Variants in KCNIP1 observed in about 807,000 individuals in gnomAD.
The protein encoded by KCNIP1 is potassium voltage-gated channel interacting protein 1.
In KCNIP1, 18 loss-of-function variants were observed where a neutral mutation model predicts 33.0. The ratio of observed to expected loss-of-function variants is 0.55; its 90% CI spans 0.38 to 0.81. The LOEUF (loss-of-function observed/expected upper bound fraction) is 0.81, where lower values mean the gene tolerates loss of function less well. KCNIP1 is among the 30% of genes least tolerant of loss of function. The pLI is 0.00. For missense variants in KCNIP1, 238 were observed against 271.6 expected, an observed-to-expected ratio of 0.88 and a Z score of 0.87; for synonymous variants, 93 against 98.3, an observed-to-expected ratio of 0.95 and a Z score of 0.32.
chr5:170,527,543 G>A (rs1306056764), intron 1 of KCNIP1, among the ~76,000 whole-genome samples: 3 of 151,862 alleles, frequency 2.0e-5, no homozygotes, highest in African/African-American at 7.3e-5. Context: ...TGTGAGCCAA[G>A]TGCACCCATC....
At chr5:170,512,414 T>C (rs1247059411) in intron 1 of KCNIP1, among the ~76,000 whole-genome samples, 1 of 152,232 alleles carries the variant, frequency 6.6e-6, no homozygotes, top group Admixed American at 6.5e-5. Context: ...AGCCACATGT[T>C]GGCCCAAATC....
chr5:170,620,628 A>C (rs192961338), intron 1 of KCNIP1, among the ~76,000 whole-genome samples: 2 of 152,196 alleles, frequency 1.3e-5, no homozygotes, highest in East Asian at 3.9e-4. Flanking sequence ...CATGTAATGG[A>C]TTCTCTCTAT....
Position 170,504,317 on chromosome 5 carries a change from G to T in KCNIP1, c.-256G>T. ...CCCTGGGCGAGGGAACCGCCGGGCC[G>T]GGTCCTCGCGCGGGGAAGCGGTTCC... On this transcript the variant is annotated 5_prime_UTR_variant, in exon 1 of 8. Coordinates refer to ENST00000328939, the MANE Select transcript of KCNIP1 (RefSeq NM_014592.4). This position sits in a 1 kb window ranked among gnomAD's most constrained non-coding sequence, Gnocchi z 6.0. 7.4e-7 allele frequency: 1 copy of T among 1,360,028 alleles called. No homozygotes were observed. 84.2% of individuals were successfully genotyped at this position (1,360,028 alleles called of 1,614,324 possible). A position where few individuals can be genotyped will look rare whatever the true frequency, so the allele number is the denominator to read the frequency against.
At chr5:170,498,796 A>G (rs888603896) in intron 1 of KCNIP1, among the ~76,000 whole-genome samples, 8 of 152,202 alleles carry the variant, frequency 5.3e-5, no homozygotes, top group Admixed American at 4.6e-4. Flanking sequence ...CCTTTACTTT[A>G]TCTTACCCCA....
At chr5:170,389,920 C>G (rs947765850) in intron 1 of KCNIP1, among the ~76,000 whole-genome samples, 1 of 152,154 alleles carries the variant, frequency 6.6e-6, no homozygotes, top group Non-Finnish European at 1.5e-5. Flanking sequence ...ATTTTTAAAA[C>G]CTACTTTGCT....
At chr5:170,463,991 C>A (rs948664585) in intron 1 of KCNIP1, among the ~76,000 whole-genome samples, 1 of 152,020 alleles carries the variant, frequency 6.6e-6, no homozygotes, top group African/African-American at 2.4e-5. Context: ...ATTAAAATTC[C>A]TATACACTAG....
At position 170,673,609 on chromosome 5, in the gene KCNIP1, T is replaced by G. The variant is rs189593249; in HGVS notation, c.62-45149T>G. 2.2e-3 allele frequency among the ~76,000 whole-genome samples: 333 copies of G among 152,320 alleles called. 1 individual carries two copies. The highest frequency in any genetic ancestry group is 7.8e-3 in the African/African-American group (326 of 41,568). On this transcript the variant is annotated intron_variant, in intron 1 of 7. Coordinates refer to ENST00000328939, the MANE Select transcript of KCNIP1 (RefSeq NM_014592.4). ...TGTTAAGTGGGCTCTGATACTATCT[T>G]GTACAGTTGGGGGAAGATTTGAGAA...
intron 1 of KCNIP1, among the ~76,000 whole-genome samples, chr5:170,587,048 C>T (rs1331487720): frequency 6.6e-6 from 1 of 152,188 alleles, no homozygotes; most frequent in Non-Finnish European, 1.5e-5. Flanking sequence ...GGATACAGAA[C>T]AATGTGGGAT....
At chr5:170,439,574 C>T (rs752113343) in intron 1 of KCNIP1, among the ~76,000 whole-genome samples, 8 of 152,182 alleles carry the variant, frequency 5.3e-5, no homozygotes, top group Non-Finnish European at 1.2e-4. Flanking sequence ...GGGCAGAAGG[C>T]GGAATCCAGC....
At chr5:170,678,773 A>C (rs1049012006) in intron 1 of KCNIP1, among the ~76,000 whole-genome samples, 1 of 152,182 alleles carries the variant, frequency 6.6e-6, no homozygotes, top group Non-Finnish European at 1.5e-5. Context: ...AGCTTGCAAA[A>C]AGGGAGAATA....
At chr5:170,440,962 C>T (rs191823337) in intron 1 of KCNIP1, among the ~76,000 whole-genome samples, 3 of 152,242 alleles carry the variant, frequency 2.0e-5, no homozygotes, top group South Asian at 2.1e-4. Flanking sequence ...TTCCCATTGC[C>T]GTCTGAGCTC....
chr5:170,419,720 G>C (rs1755429687), intron 1 of KCNIP1, among the ~76,000 whole-genome samples: 1 of 152,242 alleles, frequency 6.6e-6, no homozygotes, highest in Non-Finnish European at 1.5e-5. Context: ...TTCTGCAACT[G>C]AAGAAGGTGC....
At chr5:170,365,160 T>C (rs768225396) in intron 1 of KCNIP1, among the ~76,000 whole-genome samples, 27 of 152,224 alleles carry the variant, frequency 1.8e-4, no homozygotes, top group African/African-American at 2.6e-4. Flanking sequence ...TAGGCCCTCA[T>C]TGGGAGTTGA....
chr5:170,580,991 G>A (rs1222070540), intron 1 of KCNIP1, among the ~76,000 whole-genome samples: 1 of 152,138 alleles, frequency 6.6e-6, no homozygotes, highest in African/African-American at 2.4e-5. Context: ...AATAACCACT[G>A]AGGCACTTCT....
upstream of KCNIP1, among the ~76,000 whole-genome samples, chr5:170,500,573 G>A (rs1025660796): frequency 1.3e-5 from 2 of 152,172 alleles, no homozygotes; most frequent in African/African-American, 4.8e-5. Context: ...CTCTCCCCAT[G>A]CAGTTCTTTG....
intron 1 of KCNIP1, among the ~76,000 whole-genome samples, chr5:170,512,645 C>A (rs988586559): frequency 3.9e-5 from 6 of 152,224 alleles, no homozygotes; most frequent in African/African-American, 1.4e-4. Flanking sequence ...TAAGATGCAG[C>A]GGTCAGCACT....
intron 1 of KCNIP1, among the ~76,000 whole-genome samples, chr5:170,464,495 T>C (rs1756568140): frequency 1.3e-5 from 2 of 152,334 alleles, no homozygotes; most frequent in South Asian, 4.1e-4. Context: ...CGAATCTTAC[T>C]TCAAAGCTAT....
chr5:170,380,997 A>T (rs187028592), intron 1 of KCNIP1, among the ~76,000 whole-genome samples: 1 of 152,326 alleles, frequency 6.6e-6, no homozygotes, highest in Admixed American at 6.5e-5. Context: ...GCTATTATTA[A>T]TAATAATATG....
chr5:170,504,141 C>G lies in KCNIP1; in HGVS notation c.-432C>G. The G allele has an allele frequency of 1.0e-6, 1 of 996,272 alleles. No homozygotes were observed. Among genetic ancestry groups the G allele is most frequent in the Non-Finnish European group, 1.2e-6 (1 of 837,870 alleles). 61.7% of individuals were successfully genotyped at this position (996,272 alleles called of 1,614,324 possible). A position where few individuals can be genotyped will look rare whatever the true frequency, so the allele number is the denominator to read the frequency against. ...GTACTCGGCCCTCCGAGACCCAGCC[C>G]GAGCGCAGGGAGGGGAGCCGAGTGT... On this transcript the variant is annotated 5_prime_UTR_variant, in exon 1 of 8. Coordinates refer to ENST00000328939, the MANE Select transcript of KCNIP1 (RefSeq NM_014592.4). This position sits in a 1 kb window ranked among gnomAD's most constrained non-coding sequence, Gnocchi z 6.0.
Sources: gnomAD v4.1 joint callset for allele counts (sites outside exome capture counted in the v4.1 genomes callset) on GRCh38, gnomAD v4.1.1 for gene constraint, Gnocchi (gnomAD v3.1) non-coding constraint, MANE v1.5 for transcripts, NCBI Gene and HGNC (gene_info 2026-07-23, HGNC 2026-07-21) for gene names.